ZNF205: variants seen among roughly 807,000 people sequenced by gnomAD.
ZNF205 encodes the protein transcriptional repressor RHIT.
A neutral mutation model predicts 53.6 loss-of-function variants in ZNF205; 32 were observed. The observed-to-expected ratio is 0.60, with a 90% confidence interval of 0.45 to 0.80. ZNF205 has a LOEUF of 0.80. Ranked by LOEUF, ZNF205 falls within the 30% of genes least tolerant of loss-of-function variation. The pLI is 0.00. For missense variants in ZNF205, 836 were observed against 782.4 expected, an observed-to-expected ratio of 1.07 and a Z score of -0.82; for synonymous variants, 382 against 334.3, an observed-to-expected ratio of 1.14 and a Z score of -1.56.
rs536741953 is a variant in ZNF205 at position 3,116,319 on chromosome 16, G to A, written c.364-108G>A. 33 of 1,522,548 alleles carry A rather than the reference G, an allele frequency of 2.2e-5. No individual in the cohort carries two copies. In the East Asian group the frequency reaches 3.0e-4, roughly 14 times the overall value. 94.3% of individuals were successfully genotyped at this position (1,522,548 alleles called of 1,614,324 possible). On this transcript the variant is annotated intron_variant, in intron 4 of 6. Transcript: ENST00000219091. Reference sequence around the variant, plus strand: ...CAGATGGAAGTGGCAGGCCTCACTCGACACAGTGGGTTGGGAGTCCGGGGT... The same window carrying A: ...CAGATGGAAGTGGCAGGCCTCACTCAACACAGTGGGTTGGGAGTCCGGGGT...
rs1234282037 is a variant in ZNF205 at position 3,120,515 on chromosome 16, G to A, written c.*190G>A. 3 of 704,930 alleles carry A rather than the reference G, an allele frequency of 4.3e-6. No homozygotes were observed. Among genetic ancestry groups the A allele is most frequent in the Non-Finnish European group, 2.3e-6 (1 of 438,138 alleles). The allele number at this position is 704,930 out of a possible 1,614,324, so 43.7% of individuals were successfully genotyped here. A position where few individuals can be genotyped will look rare whatever the true frequency, so the allele number is the denominator to read the frequency against. On this transcript the variant is annotated 3_prime_UTR_variant, in exon 7 of 7. Coordinates refer to ENST00000219091, the MANE Select transcript of ZNF205 (RefSeq NM_001042428.2). The stretch of plus-strand genomic sequence containing the variant: ...TCTGCGAATTAAAGGCCTTGGACTT[G>A]AAGCGCCCGCCTACACAGCTTTGTC...
At chr16:3,115,068 C>T (rs377001876) in intron 2 of ZNF205, 17 of 285,280 alleles carry the variant, frequency 6.0e-5, no homozygotes, top group South Asian at 4.9e-4. Flanking sequence ...TTGGTTTCTT[C>T]ATACACTAAT....
chr16:3,120,142 C>T lies in ZNF205; in HGVS notation c.1482C>T (p.His494=), dbSNP rs778070368. Residue 494 remains histidine, a synonymous_variant, in exon 7 of 7, where the codon CAC becomes CAT. Transcript: ENST00000219091. ...SFSHSSHLTA[H]QRTHRGVRPY... is the part of the protein sequence containing the mutation. Reference sequence around the variant, plus strand: ...GCCACAGCTCGCACCTCACCGCGCACCAGCGCACCCACCGTGGCGTGCGGC... The same window carrying T: ...GCCACAGCTCGCACCTCACCGCGCATCAGCGCACCCACCGTGGCGTGCGGC... 4.3e-6 allele frequency: 7 copies of T among 1,613,260 alleles called. No individual in the cohort carries two copies. The East Asian group carries it at 1.3e-4, about 31-fold the overall frequency.
In ZNF205 at chr16:3,119,904, C is replaced by T. The variant is rs1348185758; in HGVS notation, c.1244C>T (p.Thr415Met). The change falls in exon 7 of 7, where the codon ACG (threonine) becomes ATG (methionine). Residue 415 changes from threonine (T) to methionine (M), a missense_variant. Thr to Met is a moderately conservative substitution (Grantham distance 81). Transcript: ENST00000219091. Reference sequence around the variant, plus strand: ...TTGGTCACCCACCAGGGCACCCACACGGGCGCCAAGCCGCACAAGTGCCCC... The same window carrying T: ...TTGGTCACCCACCAGGGCACCCACATGGGCGCCAAGCCGCACAAGTGCCCC... ...SDLVTHQGTH[T>M]GAKPHKCPIC... is the part of the protein sequence containing the mutation. The T allele has an allele frequency of 4.3e-6, 7 of 1,613,460 alleles. No homozygotes were observed. Among genetic ancestry groups the T allele is most frequent in the East Asian group, 2.2e-5 (1 of 44,898 alleles).
At chr16:3,117,826 TATTC>T (rs1485114893) in intron 5 of ZNF205, among the ~76,000 whole-genome samples, 1 of 150,490 alleles carries the variant, frequency 6.6e-6, no homozygotes, top group East Asian at 2.0e-4. Flanking sequence ...TTTATTCATT[TATTC>T]ATTCATTCAG....
chr16:3,120,384 A>G lies in ZNF205; in HGVS notation c.*59A>G. 1 of 1,441,622 alleles carries G rather than the reference A, an allele frequency of 6.9e-7. No individual in the cohort carries two copies. The highest frequency in any genetic ancestry group is 9.1e-7 in the Non-Finnish European group (1 of 1,101,916). 89.3% of individuals were successfully genotyped at this position (1,441,622 alleles called of 1,614,324 possible). On this transcript the variant is annotated 3_prime_UTR_variant, in exon 7 of 7. Transcript: ENST00000219091. ...CCACTGGAACAGCCCCACTGGAGTC[A>G]AGGCTCCGAGGGAGGAGAGAGGGGC...
At position 3,119,582 on chromosome 16, in the gene ZNF205, T is replaced by C; in HGVS notation, c.922T>C (p.Tyr308His). 1 of 1,608,812 alleles carries C rather than the reference T, an allele frequency of 6.2e-7. No homozygotes were observed. The highest frequency in any genetic ancestry group is 1.1e-5 in the South Asian group (1 of 90,552). Residue 308 changes from tyrosine to histidine, a missense_variant, in exon 7 of 7, where the codon TAC becomes CAC. Physicochemically the swap from Tyr to His is moderately conservative, Grantham distance 83. Coordinates refer to ENST00000219091, the MANE Select transcript of ZNF205 (RefSeq NM_001042428.2). ...APDSEVGRKS[Y>H]RCEQCGKGFS... ...TGACAGTGAGGTGGGCAGGAAGAGC[T>C]ACCGGTGCGAGCAGTGCGGCAAGGG... is the stretch of plus-strand genomic sequence containing the variant.
intron 5 of ZNF205, 45 bp from the exon 6 acceptor site, chr16:3,118,860 C>T (rs1458305519): frequency 5.7e-6 from 9 of 1,588,176 alleles, no homozygotes; most frequent in East Asian, 4.5e-5. Flanking sequence ...TGCAGCTGGG[C>T]AGCGCCAGAA....
Position 3,120,489 on chromosome 16 carries a change from C to G in ZNF205, c.*164C>G. 1.2e-6 allele frequency: 1 copy of G among 863,280 alleles called. No homozygotes were observed. The highest frequency in any genetic ancestry group is 1.7e-6 in the Non-Finnish European group (1 of 579,690). The allele number at this position is 863,280 out of a possible 1,614,324, so 53.5% of individuals were successfully genotyped here. ...GGGCGAGGGCGAGAAAGGGCAGGCA[C>G]TCTGCGAATTAAAGGCCTTGGACTT... On this transcript the variant is annotated 3_prime_UTR_variant, in exon 7 of 7. Transcript: ENST00000219091.
In ZNF205 at chr16:3,113,500, C is replaced by T; in HGVS notation, c.57+13C>T. ...GACACCCCCGGAGGTACAGATGGGGCTGGCTGAGGGAGGTGTGCGGTAGAA... is the reference window on the plus strand; with the variant it reads ...GACACCCCCGGAGGTACAGATGGGGTTGGCTGAGGGAGGTGTGCGGTAGAA... On this transcript the variant is annotated intron_variant, in intron 2 of 6. Transcript: ENST00000219091. The T allele has an allele frequency of 6.2e-7, 1 of 1,612,648 alleles. No homozygotes were observed. The highest frequency in any genetic ancestry group is 8.5e-7 in the Non-Finnish European group (1 of 1,179,458).
rs556398594 is a variant in ZNF205, at chr16:3,115,475, G to A, written c.178G>A (p.Gly60Arg). 1.2e-6 allele frequency: 2 copies of A among 1,611,128 alleles called. No homozygotes were observed. Among genetic ancestry groups the A allele is most frequent in the East Asian group, 2.2e-5 (1 of 44,616 alleles). The change falls in exon 3 of 7, where the codon GGG becomes AGG. Residue 60 changes from glycine to arginine, a missense_variant. Coordinates refer to ENST00000219091, the MANE Select transcript of ZNF205 (RefSeq NM_001042428.2). The stretch of plus-strand genomic sequence containing the variant: ...GGAGCCCGAAGAGCCACACTCCGAG[G>A]GGGCATCGCAGGAGGATGGGGCTCA... ...KMEPEEPHSEGASQEDGAQGA... is the reference protein window; with the variant it reads ...KMEPEEPHSERASQEDGAQGA...
chr16:3,119,881 G>C lies in ZNF205; in HGVS notation c.1221G>C (p.Leu407Phe). Residue 407 changes from leucine to phenylalanine, a missense_variant, in exon 7 of 7, where the codon TTG becomes TTC. Physicochemically the swap from Leu to Phe is conservative, Grantham distance 22. Transcript: ENST00000219091. Reference sequence around the variant, plus strand: ...AGCGCTTCACCCGCCGCTCGGACTTGGTCACCCACCAGGGCACCCACACGG... The same window carrying C: ...AGCGCTTCACCCGCCGCTCGGACTTCGTCACCCACCAGGGCACCCACACGG... ...CAKRFTRRSD[L>F]VTHQGTHTGA... 6.2e-7 allele frequency: 1 copy of C among 1,613,478 alleles called. No homozygotes were observed. Among genetic ancestry groups the C allele is most frequent in the South Asian group, 1.1e-5 (1 of 91,060 alleles).
Position 3,119,203 on chromosome 16 carries a change from C to T in ZNF205, c.596-53C>T, listed in dbSNP as rs942912945. ...CCTTAGCTCTGCCTTCTCCACCCTCCTGGGGTCCTTAGGGAAGCTCGTCCC... is the reference window on the plus strand; with the variant it reads ...CCTTAGCTCTGCCTTCTCCACCCTCTTGGGGTCCTTAGGGAAGCTCGTCCC... On this transcript the variant is annotated intron_variant, in intron 6 of 6. Coordinates refer to ENST00000219091, the MANE Select transcript of ZNF205 (RefSeq NM_001042428.2). 3 of 1,537,694 alleles carry T rather than the reference C, an allele frequency of 2.0e-6. No individual in the cohort carries two copies. In the African/African-American group the frequency reaches 4.1e-5, roughly 21 times the overall value.
chr16:3,113,326 C>A, intron 1 of ZNF205, 91 bp from the exon 2 acceptor site: 1 of 1,284,112 alleles, frequency 7.8e-7, no homozygotes, highest in Non-Finnish European at 1.1e-6. Flanking sequence ...GAAGCGAGGG[C>A]TGGTTTCTGT....
At chr16:3,115,165 TG>T in intron 2 of ZNF205, 189 bp from the exon 3 acceptor site, 1 of 424,174 alleles carries the variant, frequency 2.4e-6, no homozygotes, top group Non-Finnish European at 4.0e-6. Context: ...ACCGGCACTG[TG>T]GAGGCGGCTT....
Position 3,119,642 on chromosome 16 carries a change from C to T in ZNF205, c.982C>T (p.Arg328Cys). The T allele has an allele frequency of 6.2e-7, 1 of 1,612,308 alleles. No individual in the cohort carries two copies. Among genetic ancestry groups the T allele is most frequent in the East Asian group, 2.2e-5 (1 of 44,876 alleles). ...SWHSHLVTHR[R>C]THTGEKPYAC... ...GCACTCGCACCTGGTGACGCACCGG[C>T]GCACGCACACGGGCGAGAAGCCCTA... The change falls in exon 7 of 7, where the codon CGC becomes TGC. Residue 328 changes from arginine to cysteine, a missense_variant. Arg to Cys is a radical substitution (Grantham distance 180). Transcript: ENST00000219091.
chr16:3,116,460 CT>C lies in ZNF205; in HGVS notation c.398del (p.Leu133ProfsTer86). On this transcript the variant is annotated frameshift_variant, in exon 5 of 7. Transcript: ENST00000219091. LOFTEE classifies it high-confidence loss of function. ...GACTTTCGAGGATGTGGCCTTGTAC[CT>C]CTCCCGGGAGGAGTGGGGACGGCTG... ...PVTFEDVALY[L>X]SREEWGRLDH... 6.2e-7 allele frequency: 1 copy of C among 1,614,112 alleles called. No individual in the cohort carries two copies. Among genetic ancestry groups the C allele is most frequent in the Non-Finnish European group, 8.5e-7 (1 of 1,180,040 alleles).
chr16:3,116,269 T>G lies in ZNF205; in HGVS notation c.364-158T>G. ...TTCTTTCTCAACTCCCCAGAAGGCC[T>G]TGGGTGGCTCACCTGCTTCCCGATC... On this transcript the variant is annotated intron_variant, in intron 4 of 6. Transcript: ENST00000219091. 9 of 1,083,952 alleles carry G rather than the reference T, an allele frequency of 8.3e-6. No individual in the cohort carries two copies. In the South Asian group the frequency reaches 1.2e-4, roughly 15 times the overall value. 67.1% of individuals were successfully genotyped at this position (1,083,952 alleles called of 1,614,324 possible).
At position 3,119,351 on chromosome 16, in the gene ZNF205, G is replaced by C; in HGVS notation, c.691G>C (p.Gly231Arg). 1.9e-6 allele frequency: 3 copies of C among 1,612,810 alleles called. No individual in the cohort carries two copies. ...FRTRAGRVQW[G>R]VPQCAQEAAC... ...AACCAGGGCAGGGAGAGTCCAGTGG[G>C]GCGTCCCGCAGTGCGCGCAGGAAGC... Residue 231 changes from glycine (G) to arginine (R), a missense_variant, in exon 7 of 7, where the codon GGC becomes CGC. Physicochemically the swap from Gly to Arg is moderately radical, Grantham distance 125 (BLOSUM62 -2). Transcript: ENST00000219091.
Sources: gnomAD v4.1 joint callset for allele counts (sites outside exome capture counted in the v4.1 genomes callset) on GRCh38, gnomAD v4.1.1 for gene constraint, MANE v1.5 for transcripts, NCBI Gene and HGNC (gene_info 2026-07-23, HGNC 2026-07-21) for gene names.